KIF6: variants seen among roughly 807,000 people sequenced by gnomAD.
The protein encoded by KIF6 is kinesin family member 6.
In KIF6, 106 loss-of-function variants were observed where a neutral mutation model predicts 112.7. The observed-to-expected ratio is 0.94, with a 90% CI of 0.80 to 1.11. The LOEUF (loss-of-function observed/expected upper bound fraction) is 1.11, where lower values mean the gene tolerates loss of function less well. Among genes scored for constraint, KIF6 ranks in the 50% least tolerant of loss-of-function variants. The pLI is 0.00. For missense variants in KIF6, 929 were observed against 964.0 expected (o/e 0.96, Z 0.48); for synonymous variants, 339 against 339.9 (o/e 1.00, Z 0.03).
chr6:39,663,260 A>C (rs542367277), intron 3 of KIF6, among the ~76,000 whole-genome samples: 1 of 152,356 alleles, frequency 6.6e-6, no homozygotes, highest in East Asian at 1.9e-4. Flanking sequence ...TGTAGATACA[A>C]GGAAATTTAA....
chr6:39,430,075 T>G (rs1411131312), intron 14 of KIF6, among the ~76,000 whole-genome samples: 6 of 152,188 alleles, frequency 3.9e-5, no homozygotes, highest in Non-Finnish European at 8.8e-5. Flanking sequence ...CTGACACTAC[T>G]GACAGTCTGC....
chr6:39,723,174 T>C (rs927668961), intron 1 of KIF6, among the ~76,000 whole-genome samples: 6 of 152,150 alleles, frequency 3.9e-5, no homozygotes, highest in African/African-American at 1.4e-4. Flanking sequence ...GGAGAGAAAA[T>C]GGGAAGATAC....
In KIF6 at chr6:39,431,047, C is replaced by A. The variant is rs777486995; in HGVS notation, c.1754+6G>T. 1 of 1,589,072 alleles carries A rather than the reference C, an allele frequency of 6.3e-7. No individual in the cohort carries two copies. Among genetic ancestry groups the A allele is most frequent in the Admixed American group, 1.7e-5 (1 of 59,786 alleles). On this transcript the variant is annotated splice_donor_region_variant and intron_variant, in intron 14 of 22. Coordinates refer to ENST00000287152, the MANE Select transcript of KIF6 (RefSeq NM_145027.6). ...GAGGACCAGCTGCTCTCTGAGACAG[C>A]CTTACCTCTGTTTCAGAATCTGTTT...
chr6:39,592,110 T>C (rs1781986347), intron 7 of KIF6, among the ~76,000 whole-genome samples: 1 of 149,460 alleles, frequency 6.7e-6, no homozygotes, highest in Admixed American at 6.6e-5. Flanking sequence ...AGACTCCGTC[T>C]CAAAAAAACA....
chr6:39,502,118 C>A (rs1481225910), intron 13 of KIF6, among the ~76,000 whole-genome samples: 1 of 152,080 alleles, frequency 6.6e-6, no homozygotes, highest in Non-Finnish European at 1.5e-5. Context: ...AAGGGAAGCC[C>A]ATCAGACTAA....
chr6:39,509,331 G>A (rs113714175), intron 13 of KIF6, among the ~76,000 whole-genome samples: 4,210 of 152,300 alleles, frequency 0.028, 195 homozygotes, highest in African/African-American at 0.096. Flanking sequence ...CTCCTCCAAA[G>A]GAACACAACT....
At chr6:39,431,392 A>G (rs113829424) in intron 13 of KIF6, 1 of 393,444 alleles carries the variant, frequency 2.5e-6, no homozygotes, top group Non-Finnish European at 4.5e-6. Context: ...CAGCCATGTG[A>G]CTCGTGGGGG....
Position 39,592,251 on chromosome 6 carries a change from A to AG in KIF6, c.846+3802_846+3803insC, listed in dbSNP as rs1781994204. Among the ~76,000 whole-genome samples, 12 of 152,350 alleles carry AG rather than the reference A, an allele frequency of 7.9e-5. No homozygotes were observed. In the South Asian group the frequency reaches 2.5e-3, roughly 32 times the overall value. ...AGGAGTAGAACCTCACATTATGCTT[A>AG]ATAATATCTCCAAGTACCTAGAAAC... On this transcript the variant is annotated intron_variant, in intron 7 of 22. Coordinates refer to ENST00000287152, the MANE Select transcript of KIF6 (RefSeq NM_145027.6).
chr6:39,680,711 G>A (rs1038512702), intron 3 of KIF6, among the ~76,000 whole-genome samples: 1 of 152,174 alleles, frequency 6.6e-6, no homozygotes. Flanking sequence ...TAAGCCAGCA[G>A]CTTTGCTAAA....
intron 3 of KIF6, among the ~76,000 whole-genome samples, chr6:39,652,034 T>C (rs752625835): frequency 5.3e-5 from 8 of 152,066 alleles, no homozygotes; most frequent in African/African-American, 1.4e-4. Flanking sequence ...GCAGCAGAGA[T>C]GATGAAATCA....
At chr6:39,354,155 C>T in intron 19 of KIF6, 2 of 342,200 alleles carry the variant, frequency 5.8e-6, no homozygotes, top group South Asian at 2.5e-5. Flanking sequence ...TGACCTGCTG[C>T]CCTGCAACGG....
chr6:39,443,114 A>AAATAATAATAATAAT (rs370011414), intron 13 of KIF6, among the ~76,000 whole-genome samples: 5 of 131,582 alleles, frequency 3.8e-5, no homozygotes, highest in Admixed American at 7.9e-5. Flanking sequence ...ACTGCATCTC[A>AAATAATAATAATAAT]AATAATAATA....
intron 13 of KIF6, among the ~76,000 whole-genome samples, chr6:39,465,772 T>TA (rs372114801): frequency 1.8e-4 from 27 of 152,244 alleles, no homozygotes; most frequent in African/African-American, 6.3e-4. Context: ...CATTGTGTTC[T>TA]AACTACACTC....
At chr6:39,419,106 C>A (rs1311561909) in intron 15 of KIF6, among the ~76,000 whole-genome samples, 7 of 152,228 alleles carry the variant, frequency 4.6e-5, no homozygotes, top group African/African-American at 1.4e-4. Flanking sequence ...GTAGTCCCAG[C>A]ACTTTGGGAG....
At chr6:39,675,238 T>C (rs886925587) in intron 3 of KIF6, among the ~76,000 whole-genome samples, 2 of 151,986 alleles carry the variant, frequency 1.3e-5, no homozygotes, top group African/African-American at 4.8e-5. Flanking sequence ...CTTAGGCCAA[T>C]AGGGAGTGGG....
intron 15 of KIF6, among the ~76,000 whole-genome samples, chr6:39,407,604 G>A (rs1477597676): frequency 6.6e-6 from 1 of 152,166 alleles, no homozygotes; most frequent in Admixed American, 6.5e-5. Context: ...AAATATTCAT[G>A]CATCATTGGT....
intron 17 of KIF6, among the ~76,000 whole-genome samples, chr6:39,362,115 C>G (rs1051253741): frequency 1.3e-5 from 2 of 152,092 alleles, no homozygotes; most frequent in South Asian, 2.1e-4. Context: ...TCTCAGGACT[C>G]GGAGGGAAGT....
intron 10 of KIF6, among the ~76,000 whole-genome samples, chr6:39,550,820 G>A (rs1020531743): frequency 2.0e-5 from 3 of 152,196 alleles, no homozygotes; most frequent in Non-Finnish European, 4.4e-5. Context: ...AGTTGTCTCT[G>A]ACAGGGTTAA....
At chr6:39,695,234 T>C (rs1263507235) in intron 3 of KIF6, among the ~76,000 whole-genome samples, 5 of 151,944 alleles carry the variant, frequency 3.3e-5, no homozygotes, top group Admixed American at 6.6e-5. Context: ...ACCTAGGAAA[T>C]ACCCTTCTAG....
Sources: allele counts gnomAD v4.1 joint callset (sites outside exome capture counted in the v4.1 genomes callset), GRCh38; gene constraint gnomAD v4.1.1; transcripts MANE v1.5; gene names NCBI Gene and HGNC (gene_info 2026-07-23, HGNC 2026-07-21).